The following PLA2G12A variants were observed in gnomAD, a reference collection of about 807,000 sequenced individuals.
The protein encoded by PLA2G12A is group XIIA secretory phospholipase A2.
PLA2G12A carries 11 observed loss-of-function variants against 16.0 expected under a neutral mutation model. The ratio of observed to expected loss-of-function variants is 0.69; its 90% CI spans 0.43 to 1.13. The LOEUF is 1.13. Among genes scored for constraint, PLA2G12A ranks in the 50% most tolerant of loss-of-function variants. PLA2G12A has a pLI of 0.00. For missense variants in PLA2G12A, 214 were observed against 237.3 expected, an observed-to-expected ratio of 0.90 and a Z score of 0.65; for synonymous variants, 77 against 93.8, an observed-to-expected ratio of 0.82 and a Z score of 1.03.
At chr4:109,727,472 C>A (rs944203570) in intron 1 of PLA2G12A, among the ~76,000 whole-genome samples, 2 of 152,090 alleles carry the variant, frequency 1.3e-5, no homozygotes, top group African/African-American at 4.8e-5. Context: ...CTTGAAACCA[C>A]ATGTCCGTTA....
At chr4:109,718,291 AT>A (rs564429282) in intron 2 of PLA2G12A, among the ~76,000 whole-genome samples, 2 of 152,166 alleles carry the variant, frequency 1.3e-5, no homozygotes, top group African/African-American at 2.4e-5. Context: ...TCTCATAAAC[AT>A]TTTTTTCCCA....
intron 1 of PLA2G12A, among the ~76,000 whole-genome samples, chr4:109,729,216 T>C (rs776572482): frequency 2.6e-5 from 4 of 152,226 alleles, no homozygotes; most frequent in Non-Finnish European, 5.9e-5. Flanking sequence ...CTCAGTTTGC[T>C]TCGCATGTTC....
In PLA2G12A at chr4:109,712,885, A is replaced by C. The variant is rs531382827; in HGVS notation, c.*1492T>G. ...AATCAATTGAGGGTCCCAAACATTT[A>C]AGTGGAAACCCAGTTTGCTCACTTA... On this transcript the variant is annotated 3_prime_UTR_variant, in exon 4 of 4. Coordinates refer to ENST00000243501, the MANE Select transcript of PLA2G12A (RefSeq NM_030821.5). 6.6e-6 allele frequency: 1 copy of C among 152,338 alleles called. No homozygotes were observed. The highest frequency in any genetic ancestry group is 1.9e-4 in the East Asian group (1 of 5,186). The allele number at this position is 152,338 out of a possible 1,614,324, so 9.4% of individuals were successfully genotyped here. A position where few individuals can be genotyped will look rare whatever the true frequency, so the allele number is the denominator to read the frequency against.
At chr4:109,721,102 C>T (rs1730933237) in intron 1 of PLA2G12A, among the ~76,000 whole-genome samples, 1 of 152,044 alleles carries the variant, frequency 6.6e-6, no homozygotes, top group Non-Finnish European at 1.5e-5. Context: ...ACAAAACCTA[C>T]AGCCTGCTCT....
At chr4:109,718,802 A>G in intron 1 of PLA2G12A, 43 bp from the exon 2 acceptor site, 2 of 1,355,972 alleles carry the variant, frequency 1.5e-6, no homozygotes, top group Non-Finnish European at 2.0e-6. Context: ...CAAATATGAT[A>G]AAAGTAAAAT....
intron 1 of PLA2G12A, among the ~76,000 whole-genome samples, chr4:109,728,492 T>C (rs28403135): frequency 0.028 from 4,248 of 152,336 alleles, 196 homozygotes; most frequent in African/African-American, 0.097. Flanking sequence ...AACATCTTCA[T>C]GAAGCATACG....
At position 109,714,447 on chromosome 4, in the gene PLA2G12A, C is replaced by T. The variant is rs758318488; in HGVS notation, c.500G>A (p.Gly167Asp). ...ELLFDSVIHL[G>D]CKPYLDSQRA... is the part of the protein sequence containing the mutation. ...TTGGCTGTCCAGATATGGTTTACAACCTAAATGTATAACACTGTCAAACAA... is the reference window on the plus strand; with the variant it reads ...TTGGCTGTCCAGATATGGTTTACAATCTAAATGTATAACACTGTCAAACAA... Residue 167 changes from glycine (G) to aspartate (D), a missense_variant, in exon 4 of 4, where the codon GGT becomes GAT. Coordinates refer to ENST00000243501, the MANE Select transcript of PLA2G12A (RefSeq NM_030821.5). 4.3e-6 allele frequency: 7 copies of T among 1,614,038 alleles called. No individual in the cohort carries two copies. Among genetic ancestry groups the T allele is most frequent in the Non-Finnish European group, 5.9e-6 (7 of 1,179,980 alleles).
intron 3 of PLA2G12A, among the ~76,000 whole-genome samples, chr4:109,714,920 T>A (rs1004019523): frequency 6.6e-6 from 1 of 151,670 alleles, no homozygotes; most frequent in African/African-American, 2.4e-5. Flanking sequence ...ATTTAATTTT[T>A]AATTTTAAAC....
chr4:109,718,858 T>C (rs1730873421), intron 1 of PLA2G12A, 99 bp from the exon 2 acceptor site: 2 of 733,622 alleles, frequency 2.7e-6, no homozygotes, highest in African/African-American at 1.8e-5. Context: ...TAGAAATATG[T>C]AATATTTACT....
intron 3 of PLA2G12A, 149 bp from the exon 4 acceptor site, chr4:109,714,644 T>A: frequency 1.6e-6 from 1 of 634,942 alleles, no homozygotes; most frequent in South Asian, 2.1e-5. Context: ...ACCTGTAGCA[T>A]ATTTACATAC....
chr4:109,714,313 C>T lies in PLA2G12A; in HGVS notation c.*64G>A, dbSNP rs1007490116. The T allele has an allele frequency of 3.7e-5, 37 of 988,692 alleles. No individual in the cohort carries two copies. The highest frequency in any genetic ancestry group is 4.6e-5 in the Non-Finnish European group (29 of 635,130). 61.2% of individuals were successfully genotyped at this position (988,692 alleles called of 1,614,324 possible). On this transcript the variant is annotated 3_prime_UTR_variant, in exon 4 of 4. Transcript: ENST00000243501. ...ATAAGACAGTTTTATGTTGTAAAAA[C>T]ATTAGTTATTTGTCAAAGGTATGTT...
intron 1 of PLA2G12A, among the ~76,000 whole-genome samples, chr4:109,720,591 AAAAAAAAAAAAAAATATATATATATATAT>A (rs1375968179): frequency 1.8e-4 from 6 of 33,828 alleles, no homozygotes; most frequent in African/African-American, 6.3e-4. Context: ...AAAAAAAAAA[AAAAAAAAAAAAAAATATATATATATATAT>A]ATATATATAT....
chr4:109,722,202 T>C (rs1422250405), intron 1 of PLA2G12A, among the ~76,000 whole-genome samples: 2 of 152,244 alleles, frequency 1.3e-5, no homozygotes, highest in Admixed American at 6.5e-5. Flanking sequence ...ATCCTCTTCC[T>C]AGTCTCTCTT....
At chr4:109,718,427 T>C (rs973483042) in intron 2 of PLA2G12A, among the ~76,000 whole-genome samples, 1 of 152,214 alleles carries the variant, frequency 6.6e-6, no homozygotes, top group Non-Finnish European at 1.5e-5. Flanking sequence ...ACTTCTGTAC[T>C]CCAAACTTTT....
chr4:109,724,072 C>T (rs933615187), intron 1 of PLA2G12A, among the ~76,000 whole-genome samples: 3 of 152,200 alleles, frequency 2.0e-5, no homozygotes, highest in African/African-American at 4.8e-5. Flanking sequence ...CACCCTCAGA[C>T]AACCGATATG....
intron 2 of PLA2G12A, 64 bp downstream of exon 2, chr4:109,718,619 T>C (rs1730868633): frequency 1.6e-6 from 2 of 1,249,232 alleles, no homozygotes; most frequent in Non-Finnish European, 1.1e-6. Context: ...GATAGTCTTA[T>C]ATCACCAAAA....
chr4:109,729,841 G>A lies in PLA2G12A; in HGVS notation c.-32C>T. On this transcript the variant is annotated 5_prime_UTR_variant, in exon 1 of 4. Coordinates refer to ENST00000243501, the MANE Select transcript of PLA2G12A (RefSeq NM_030821.5). ...AGCGCCGGGCTCTACGGGTCCCCGA[G>A]CCGCGGCGCGGGGCGCGTCCCCACA... 1.3e-6 allele frequency: 2 copies of A among 1,534,902 alleles called. No individual in the cohort carries two copies. Among genetic ancestry groups the A allele is most frequent in the African/African-American group, 1.4e-5 (1 of 72,308 alleles).
At position 109,710,652 on chromosome 4, in the gene PLA2G12A, G is replaced by A. The variant is rs937446421; in HGVS notation, c.*3725C>T. On this transcript the variant is annotated 3_prime_UTR_variant, in exon 4 of 4. Transcript: ENST00000243501. Reference sequence around the variant, plus strand: ...AACTAATTTTTGTATTTTTAGTAGAGACAGGGTTTTGCCATGTTGGCCAAG... The same window carrying A: ...AACTAATTTTTGTATTTTTAGTAGAAACAGGGTTTTGCCATGTTGGCCAAG... 1 of 152,318 alleles carries A rather than the reference G, an allele frequency of 6.6e-6. No homozygotes were observed. The highest frequency in any genetic ancestry group is 2.4e-5 in the African/African-American group (1 of 41,462). The allele number at this position is 152,318 out of a possible 1,614,324, so 9.4% of individuals were successfully genotyped here. A position where few individuals can be genotyped will look rare whatever the true frequency, so the allele number is the denominator to read the frequency against.
At chr4:109,721,122 A>C (rs1341963549) in intron 1 of PLA2G12A, among the ~76,000 whole-genome samples, 1 of 152,132 alleles carries the variant, frequency 6.6e-6, no homozygotes, top group East Asian at 1.9e-4. Flanking sequence ...TAAAGGAAAA[A>C]TGTATACAAA....
Sources: gnomAD v4.1 joint callset for allele counts (sites outside exome capture counted in the v4.1 genomes callset) on GRCh38, gnomAD v4.1.1 for gene constraint, MANE v1.5 for transcripts, NCBI Gene and HGNC (gene_info 2026-07-23, HGNC 2026-07-21) for gene names.